Variants in CSMD1 observed in about 807,000 individuals in gnomAD.
CSMD1 encodes CUB and Sushi multiple domains 1.
A neutral mutation model predicts 417.5 loss-of-function variants in CSMD1; 213 were observed. The observed-to-expected ratio is 0.51, with a 90% confidence interval of 0.46 to 0.57. The LOEUF (loss-of-function observed/expected upper bound fraction) is 0.57, where lower values mean the gene tolerates loss of function less well. CSMD1 is among the 20% of genes least tolerant of loss of function. CSMD1 has a pLI of 0.00. For synonymous variants in CSMD1, 2,862 were observed against 1,736.8 expected, an observed-to-expected ratio of 1.65 and a Z score of -16.11; for missense variants, 6,923 against 4,529.7, an observed-to-expected ratio of 1.53 and a Z score of -15.17.
At chr8:4,709,402 T>A (rs1309484371) in intron 1 of CSMD1, among the ~76,000 whole-genome samples, 1 of 152,078 alleles carries the variant, frequency 6.6e-6, no homozygotes, top group Non-Finnish European at 1.5e-5. Flanking sequence ...GGGACGAACA[T>A]AAAGACTCTT....
chr8:4,753,403 C>CCACACACACACA (rs71209121), intron 1 of CSMD1, among the ~76,000 whole-genome samples: 4 of 137,808 alleles, frequency 2.9e-5, no homozygotes, highest in African/African-American at 8.9e-5. Context: ...CCACCATAAA[C>CCACACACACACA]CACACACACA....
At chr8:3,105,749 T>C (rs1816092900) in intron 46 of CSMD1, among the ~76,000 whole-genome samples, 1 of 152,234 alleles carries the variant, frequency 6.6e-6, no homozygotes. Context: ...GAGGTATTTA[T>C]AGCAAAACGA....
At chr8:4,186,511 T>G (rs1232143817) in intron 3 of CSMD1, among the ~76,000 whole-genome samples, 2 of 152,148 alleles carry the variant, frequency 1.3e-5, no homozygotes, top group African/African-American at 4.8e-5. Context: ...ATTTAATTAC[T>G]TATTTTGAAA....
At chr8:4,361,738 G>A (rs1179192386) in intron 3 of CSMD1, among the ~76,000 whole-genome samples, 6 of 151,702 alleles carry the variant, frequency 4.0e-5, no homozygotes, top group African/African-American at 9.6e-5. Flanking sequence ...GGCGGATCAC[G>A]AGGTCAGGAG....
At chr8:3,190,164 C>T (rs376308409) in intron 33 of CSMD1, 49 bp from the exon 34 acceptor site, 2 of 1,477,742 alleles carry the variant, frequency 1.4e-6, no homozygotes, top group African/African-American at 1.4e-5. Context: ...ATCAGCAAGC[C>T]AGGACGTTGC....
chr8:4,841,915 A>C lies in CSMD1; in HGVS notation c.85+152417T>G, dbSNP rs113329970. Among the ~76,000 whole-genome samples the C allele has an allele frequency of 7.7e-3, 783 of 102,040 alleles. 11 individuals carry two copies. The highest frequency in any genetic ancestry group is 0.015 in the East Asian group (42 of 2,728). The allele number at this position is 102,040 out of a possible 152,430, so 66.9% of individuals were successfully genotyped here. ...AACAAGAGCAAAACTCCGTCTCAAA[A>C]AAAAAAAAAAAAAAAAAAAAAAAGT... On this transcript the variant is annotated intron_variant, in intron 1 of 69. Transcript: ENST00000635120.
chr8:3,558,856 C>T (rs1585365794), intron 10 of CSMD1, among the ~76,000 whole-genome samples: 1 of 152,158 alleles, frequency 6.6e-6, no homozygotes, highest in Non-Finnish European at 1.5e-5. Context: ...CTCAGTAGTA[C>T]CCCATGTTCA....
rs191165965 is a variant in CSMD1 at position 4,762,108 on chromosome 8, C to T, written c.86-124550G>A. Among the ~76,000 whole-genome samples the T allele has an allele frequency of 8.2e-4, 124 of 151,964 alleles. No homozygotes were observed. The Middle Eastern group carries it at 0.037, about 46-fold the overall frequency. ...AGCTGGTGTTTTAAACTCAATTTCC[C>T]CTATAAAATAATGGAACTGAAATAA... is the stretch of plus-strand genomic sequence containing the variant. On this transcript the variant is annotated intron_variant, in intron 1 of 69. Coordinates refer to ENST00000635120, the MANE Select transcript of CSMD1 (RefSeq NM_033225.6).
chr8:4,720,902 C>T (rs180918590), intron 1 of CSMD1, among the ~76,000 whole-genome samples: 47 of 152,226 alleles, frequency 3.1e-4, no homozygotes, highest in Admixed American at 1.1e-3. Flanking sequence ...TACCTGGTGA[C>T]CTTGATCAAA....
chr8:3,305,127 T>TGCTTCATCCCCTCAAAGA (rs1200834338), intron 25 of CSMD1, among the ~76,000 whole-genome samples: 2 of 152,160 alleles, frequency 1.3e-5, no homozygotes, highest in African/African-American at 4.8e-5. Context: ...GACATCCTCT[T>TGCTTCATCCCCTCAAAGA]GCTTCATCCC....
rs1802944433 is a variant in CSMD1 at position 2,955,629 on chromosome 8, T to C, written c.9954A>G (p.Lys3318=). Residue 3318 remains lysine, a synonymous_variant, in exon 64 of 70, where the codon AAA becomes AAG. Coordinates refer to ENST00000635120, the MANE Select transcript of CSMD1 (RefSeq NM_033225.6). ...ACTTTCCTGTCCATTTCATGTCTGC[T>C]TTACATGTTCTGTGCTCAGATCCCC... is the stretch of plus-strand genomic sequence containing the variant. ...LAGGSEHRTC[K]ADMKWTGKSP... is the part of the protein sequence containing the mutation. The C allele has an allele frequency of 6.2e-7, 1 of 1,613,758 alleles. No individual in the cohort carries two copies. The highest frequency in any genetic ancestry group is 1.3e-5 in the African/African-American group (1 of 74,914).
At chr8:4,762,588 G>C (rs1033796338) in intron 1 of CSMD1, among the ~76,000 whole-genome samples, 3 of 152,076 alleles carry the variant, frequency 2.0e-5, no homozygotes, top group South Asian at 2.1e-4. Flanking sequence ...GGAAGAACCA[G>C]TGCATCCCTC....
At chr8:3,044,154 T>C (rs1811286510) in intron 50 of CSMD1, among the ~76,000 whole-genome samples, 1 of 152,228 alleles carries the variant, frequency 6.6e-6, no homozygotes, top group African/African-American at 2.4e-5. Context: ...TCTAAGTATC[T>C]TTAGCCCAAA....
At chr8:4,669,510 C>T (rs935318735) in intron 1 of CSMD1, among the ~76,000 whole-genome samples, 1 of 152,124 alleles carries the variant, frequency 6.6e-6, no homozygotes, top group Non-Finnish European at 1.5e-5. Flanking sequence ...TTCTGCCTAC[C>T]CACTTCTTCC....
chr8:4,464,278 G>A (rs1351284522), intron 2 of CSMD1, among the ~76,000 whole-genome samples: 2 of 151,812 alleles, frequency 1.3e-5, no homozygotes, highest in East Asian at 3.9e-4. Context: ...GAAGCACAGG[G>A]CATTATTATG....
chr8:4,223,093 C>T (rs374093423), intron 3 of CSMD1, among the ~76,000 whole-genome samples: 6 of 152,224 alleles, frequency 3.9e-5, no homozygotes, highest in Middle Eastern at 3.4e-3. Context: ...TCCCTCCCGC[C>T]CTGCCCTGAG....
At chr8:3,791,249 A>G (rs1022157320) in intron 5 of CSMD1, among the ~76,000 whole-genome samples, 4 of 152,230 alleles carry the variant, frequency 2.6e-5, no homozygotes, top group African/African-American at 9.6e-5. Flanking sequence ...AGATTCTATA[A>G]TTATATCCAA....
chr8:3,724,838 G>T (rs893092943), intron 6 of CSMD1, among the ~76,000 whole-genome samples: 1 of 152,140 alleles, frequency 6.6e-6, no homozygotes, highest in Non-Finnish European at 1.5e-5. Flanking sequence ...TCACATTAAC[G>T]GTGATGGCAG....
At chr8:3,760,656 A>C (rs954278471) in intron 5 of CSMD1, among the ~76,000 whole-genome samples, 1 of 152,190 alleles carries the variant, frequency 6.6e-6, no homozygotes, top group East Asian at 1.9e-4. Context: ...TTATGGGGAT[A>C]ATTTTCTAAA....
Sources: allele counts gnomAD v4.1 joint callset (sites outside exome capture counted in the v4.1 genomes callset), GRCh38; gene constraint gnomAD v4.1.1; transcripts MANE v1.5; gene names NCBI Gene and HGNC (gene_info 2026-07-23, HGNC 2026-07-21).